FAM178B: variants seen among roughly 807,000 people sequenced by gnomAD.
The protein encoded by FAM178B is family with sequence similarity 178 member B, also known as protein FAM178B.
In FAM178B, 82 loss-of-function variants were observed where a neutral mutation model predicts 91.7. The observed-to-expected ratio is 0.89, with a 90% CI of 0.75 to 1.07. The LOEUF is 1.07. Ranked by LOEUF, FAM178B falls within the 50% of genes least tolerant of loss-of-function variation. The probability of loss-of-function intolerance (pLI) is 0.00; values close to 1 mark genes in which losing one functional copy is unlikely to be tolerated. For synonymous variants in FAM178B, 368 were observed against 359.4 expected, an observed-to-expected ratio of 1.02 and a Z score of -0.27; for missense variants, 769 against 846.7, an observed-to-expected ratio of 0.91 and a Z score of 1.14.
intron 8 of FAM178B, among the ~76,000 whole-genome samples, chr2:96,944,852 C>T (rs924175894): frequency 1.3e-5 from 2 of 152,176 alleles, no homozygotes; most frequent in African/African-American, 4.8e-5. Flanking sequence ...ACTCAGTCCC[C>T]GTAGGCAACT....
chr2:96,927,909 C>T (rs2081471976), intron 9 of FAM178B, among the ~76,000 whole-genome samples: 1 of 152,212 alleles, frequency 6.6e-6, no homozygotes. Context: ...TAATTCTCTC[C>T]CCCGCTCATC....
chr2:96,877,137 C>T (rs553466215), intron 16 of FAM178B, among the ~76,000 whole-genome samples: 1 of 152,236 alleles, frequency 6.6e-6, no homozygotes, highest in African/African-American at 2.4e-5. Flanking sequence ...ACTATCACAC[C>T]TACAGGCTCT....
At chr2:96,924,768 T>G (rs972699540) in intron 9 of FAM178B, among the ~76,000 whole-genome samples, 7 of 152,336 alleles carry the variant, frequency 4.6e-5, no homozygotes, top group Admixed American at 3.9e-4. Flanking sequence ...AGGTTCCTGC[T>G]AACAGTGGTA....
chr2:96,915,493 G>A (rs893302554), intron 12 of FAM178B, among the ~76,000 whole-genome samples: 46 of 152,162 alleles, frequency 3.0e-4, no homozygotes, highest in African/African-American at 1.1e-3. Flanking sequence ...GGTAAGAGCA[G>A]GAGCTTGGAG....
rs372527080 is a variant in FAM178B, at chr2:96,888,107, T to A, written c.1776+5819A>T. Among the ~76,000 whole-genome samples, 5 of 152,370 alleles carry A rather than the reference T, an allele frequency of 3.3e-5. No homozygotes were observed. In the East Asian group the frequency reaches 7.7e-4, roughly 23 times the overall value. On this transcript the variant is annotated intron_variant, in intron 14 of 16. Transcript: ENST00000490605. ...TGGGATGCCCAGAAGTACTGGCCTGTCCCCAGATCTGTAGAGGTCCCCCTC... is the reference window on the plus strand; with the variant it reads ...TGGGATGCCCAGAAGTACTGGCCTGACCCCAGATCTGTAGAGGTCCCCCTC...
intron 12 of FAM178B, among the ~76,000 whole-genome samples, chr2:96,920,152 T>C (rs1437089056): frequency 6.6e-6 from 1 of 151,320 alleles, no homozygotes; most frequent in African/African-American, 2.4e-5. Context: ...GCAAGGCGAG[T>C]GGATGGGAGT....
chr2:96,907,510 A>G (rs2081078500), intron 12 of FAM178B, among the ~76,000 whole-genome samples: 1 of 152,174 alleles, frequency 6.6e-6, no homozygotes, highest in African/African-American at 2.4e-5. Context: ...ATATAAGGCA[A>G]CAGGCTCCAG....
Position 96,969,666 on chromosome 2 carries a change from G to A in FAM178B, c.626+1050C>T, listed in dbSNP as rs564848985. Among the ~76,000 whole-genome samples the A allele has an allele frequency of 6.6e-5, 10 of 152,334 alleles. No homozygotes were observed. The South Asian group carries it at 1.2e-3, about 19-fold the overall frequency. On this transcript the variant is annotated intron_variant, in intron 4 of 16. Coordinates refer to ENST00000490605, the MANE Select transcript of FAM178B (RefSeq NM_001122646.3). Reference sequence around the variant, plus strand: ...AATGTACATCACCATGCTGGGCACCGTGGAAATATATAGGCATGGTCCCTT... The same window carrying A: ...AATGTACATCACCATGCTGGGCACCATGGAAATATATAGGCATGGTCCCTT...
At chr2:96,979,776 G>A (rs929358946) in intron 1 of FAM178B, among the ~76,000 whole-genome samples, 1 of 152,078 alleles carries the variant, frequency 6.6e-6, no homozygotes, top group Admixed American at 6.6e-5. Flanking sequence ...CCTTTTCTCT[G>A]CATCCTCACC....
At chr2:96,963,660 G>A (rs1258767272) in intron 5 of FAM178B, among the ~76,000 whole-genome samples, 2 of 152,124 alleles carry the variant, frequency 1.3e-5, no homozygotes, top group Admixed American at 1.3e-4. Context: ...TCTAATTTGG[G>A]CCAGGCAAAG....
At chr2:96,920,018 G>A (rs1390078243) in intron 12 of FAM178B, among the ~76,000 whole-genome samples, 1 of 152,174 alleles carries the variant, frequency 6.6e-6, no homozygotes, top group Non-Finnish European at 1.5e-5. Context: ...GAAGGGAAGG[G>A]GTCCCAGTGG....
intron 5 of FAM178B, among the ~76,000 whole-genome samples, chr2:96,964,990 G>C (rs1439533541): frequency 5.9e-5 from 9 of 151,988 alleles, no homozygotes; most frequent in African/African-American, 2.2e-4. Flanking sequence ...CGGTTTGGTG[G>C]CTTTATTTAT....
At chr2:96,893,329 CTG>C (rs1433767004) in intron 14 of FAM178B, among the ~76,000 whole-genome samples, 1 of 152,180 alleles carries the variant, frequency 6.6e-6, no homozygotes, top group Non-Finnish European at 1.5e-5. Flanking sequence ...ATAGGCCTCA[CTG>C]TTCCAAACTC....
At chr2:96,936,570 C>T (rs1464407482) in intron 8 of FAM178B, among the ~76,000 whole-genome samples, 3 of 148,038 alleles carry the variant, frequency 2.0e-5, no homozygotes, top group Non-Finnish European at 3.0e-5. Context: ...AGTGCAATGG[C>T]ATGATCTTGG....
At chr2:96,898,388 C>T (rs574860434) in intron 13 of FAM178B, among the ~76,000 whole-genome samples, 4 of 152,278 alleles carry the variant, frequency 2.6e-5, no homozygotes, top group African/African-American at 7.2e-5. Flanking sequence ...GGTACAGTGG[C>T]TTATGCCTGT....
In FAM178B at chr2:96,920,571, G is replaced by A. The variant is rs140695161; in HGVS notation, c.1562+594C>T. On this transcript the variant is annotated intron_variant, in intron 12 of 16. Transcript: ENST00000490605. ...GCCGAGATCGCACCACTGCACTCCA[G>A]CCTGGGTGACAGAGCAAGACTCTGT... Among the ~76,000 whole-genome samples the A allele has an allele frequency of 4.0e-3, 616 of 152,134 alleles. 15 individuals are homozygous for A. The East Asian group carries it at 0.052, about 13-fold the overall frequency.
At chr2:96,942,462 G>A (rs1334756990) in intron 8 of FAM178B, among the ~76,000 whole-genome samples, 1 of 152,100 alleles carries the variant, frequency 6.6e-6, no homozygotes, top group South Asian at 2.1e-4. Context: ...GTGCGATCTC[G>A]GCTCACTGCA....
chr2:96,912,079 G>A (rs540929322), intron 12 of FAM178B, among the ~76,000 whole-genome samples: 35 of 152,146 alleles, frequency 2.3e-4, no homozygotes, highest in African/African-American at 7.7e-4. Flanking sequence ...GGGAATTTAC[G>A]TAGGGAGAGA....
chr2:96,908,721 C>T (rs1156871282), intron 12 of FAM178B, among the ~76,000 whole-genome samples: 2 of 152,156 alleles, frequency 1.3e-5, no homozygotes. Context: ...GAAGTGTCCA[C>T]CTATGATATG....
Sources: gnomAD v4.1 joint callset for allele counts (sites outside exome capture counted in the v4.1 genomes callset) on GRCh38, gnomAD v4.1.1 for gene constraint, MANE v1.5 for transcripts, NCBI Gene and HGNC (gene_info 2026-07-23, HGNC 2026-07-21) for gene names.